PDE10A: variants seen among roughly 807,000 people sequenced by gnomAD.
PDE10A encodes the protein cAMP and cAMP-inhibited cGMP 3',5'-cyclic phosphodiesterase 10A.
PDE10A carries 39 observed loss-of-function variants against 97.7 expected under a neutral mutation model. That is an observed-to-expected ratio of 0.40 (90% CI 0.31 to 0.52). The LOEUF is 0.52. Ranked by LOEUF, PDE10A falls within the 20% of genes least tolerant of loss-of-function variation. The pLI, the probability that PDE10A is intolerant of heterozygous loss-of-function variation, is 0.56. For missense variants in PDE10A, 731 were observed against 1,047.8 expected, an observed-to-expected ratio of 0.70 and a Z score of 4.17; for synonymous variants, 371 against 376.8, an observed-to-expected ratio of 0.98 and a Z score of 0.18.
intron 1 of PDE10A, among the ~76,000 whole-genome samples, chr6:165,742,896 G>A (rs964028482): frequency 6.6e-6 from 1 of 152,214 alleles, no homozygotes; most frequent in Non-Finnish European, 1.5e-5. Context: ...GGTGAATTAA[G>A]TGATTTGTTC....
chr6:165,401,050 G>T (rs761223932), intron 13 of PDE10A, among the ~76,000 whole-genome samples: 3 of 151,982 alleles, frequency 2.0e-5, no homozygotes, highest in Non-Finnish European at 4.4e-5. Context: ...AGATGAGAAG[G>T]GTCAAAAGAA....
chr6:165,735,133 T>C (rs1185615629), intron 1 of PDE10A, among the ~76,000 whole-genome samples: 4 of 151,656 alleles, frequency 2.6e-5, no homozygotes, highest in Non-Finnish European at 5.9e-5. Flanking sequence ...GGTAGGTTGG[T>C]AGATAAATAG....
intron 2 of PDE10A, among the ~76,000 whole-genome samples, chr6:165,517,475 T>C (rs1287287175): frequency 6.6e-6 from 1 of 152,196 alleles, no homozygotes; most frequent in Non-Finnish European, 1.5e-5. Context: ...ATAGCATTAA[T>C]ATTATCCATA....
chr6:165,702,580 T>C (rs1791605920), intron 1 of PDE10A, among the ~76,000 whole-genome samples: 2 of 152,168 alleles, frequency 1.3e-5, no homozygotes, highest in South Asian at 4.1e-4. Context: ...AGTGTACAAT[T>C]AAGATCAACT....
chr6:165,565,523 C>T (rs1445625945), intron 1 of PDE10A, among the ~76,000 whole-genome samples: 2 of 152,116 alleles, frequency 1.3e-5, no homozygotes, highest in Non-Finnish European at 2.9e-5. Context: ...TAGTTCTACA[C>T]TCAGTGCAAT....
intron 6 of PDE10A, among the ~76,000 whole-genome samples, chr6:165,434,432 A>C (rs2128239635): frequency 6.6e-6 from 1 of 152,308 alleles, no homozygotes. Flanking sequence ...GTTACCTTTG[A>C]AGTCTATATT....
intron 5 of PDE10A, among the ~76,000 whole-genome samples, chr6:165,438,195 A>G (rs1442363273): frequency 2.6e-5 from 4 of 151,844 alleles, no homozygotes; most frequent in African/African-American, 9.7e-5. Flanking sequence ...TTTAATTTTT[A>G]ATTTTTTTTT....
At chr6:165,949,547 G>A (rs1322638068) in intron 1 of PDE10A, 2 of 151,856 alleles carry the variant, frequency 1.3e-5, no homozygotes, top group Admixed American at 6.6e-5. Context: ...GCAACACGTC[G>A]GATGATGACT....
At chr6:165,673,233 T>A (rs1177521513) in intron 1 of PDE10A, among the ~76,000 whole-genome samples, 3 of 152,230 alleles carry the variant, frequency 2.0e-5, no homozygotes, top group African/African-American at 7.2e-5. Flanking sequence ...GAACTAGATA[T>A]GGCACAGATT....
chr6:165,372,280 A>G (rs371619765), intron 18 of PDE10A, among the ~76,000 whole-genome samples: 1 of 150,280 alleles, frequency 6.7e-6, no homozygotes, highest in African/African-American at 2.5e-5. Flanking sequence ...AAAAGAGGAA[A>G]TCAAATTGTC....
chr6:165,942,785 G>T (rs1391511652), intron 1 of PDE10A, among the ~76,000 whole-genome samples: 1 of 152,140 alleles, frequency 6.6e-6, no homozygotes, highest in African/African-American at 2.4e-5. Context: ...GGCCCTCCAG[G>T]AGGAAAGCCC....
At chr6:165,958,470 AAGAAAGAAAGAG>A (rs575968680) in intron 1 of PDE10A, among the ~76,000 whole-genome samples, 3,616 of 144,192 alleles carry the variant, frequency 0.025, 202 homozygotes, top group South Asian at 0.053. Flanking sequence ...AAAAGAAAGA[AAGAAAGAAAGAG>A]AGAAAGAGAG....
chr6:165,785,528 C>T (rs9347088), intron 1 of PDE10A, among the ~76,000 whole-genome samples: 86,249 of 151,996 alleles, frequency 0.57, 24,630 homozygotes, highest in Middle Eastern at 0.61. Context: ...TTGTTGTTAT[C>T]GTTATGCTTT....
chr6:165,980,544 T>C (rs532822268), intron 1 of PDE10A, among the ~76,000 whole-genome samples: 1 of 152,230 alleles, frequency 6.6e-6, no homozygotes, highest in South Asian at 2.1e-4. Flanking sequence ...AGGACACAGG[T>C]AAGTGGATAA....
chr6:165,584,781 G>A (rs1452098403), intron 1 of PDE10A, among the ~76,000 whole-genome samples: 1 of 152,110 alleles, frequency 6.6e-6, no homozygotes, highest in East Asian at 1.9e-4. Context: ...CTTTCAGGCA[G>A]GACTGTTAAT....
intron 1 of PDE10A, among the ~76,000 whole-genome samples, chr6:165,568,264 G>A (rs1236841853): frequency 1.3e-5 from 2 of 152,088 alleles, no homozygotes; most frequent in African/African-American, 4.8e-5. Flanking sequence ...CTCCCAAAGT[G>A]CTGGGATTAC....
At chr6:165,408,295 GAAAGTAGA>G (rs1787378335) in intron 13 of PDE10A, among the ~76,000 whole-genome samples, 2 of 152,194 alleles carry the variant, frequency 1.3e-5, no homozygotes, top group African/African-American at 2.4e-5. Context: ...ATGTTCTCTA[GAAAGTAGA>G]ACATTCAGGA....
intron 1 of PDE10A, among the ~76,000 whole-genome samples, chr6:165,721,619 G>T (rs1474553195): frequency 6.6e-6 from 1 of 152,108 alleles, no homozygotes; most frequent in Non-Finnish European, 1.5e-5. Context: ...CAGTTCCTTT[G>T]TAGGAAAAAT....
At chr6:165,504,996 T>C (rs375585479) in intron 2 of PDE10A, among the ~76,000 whole-genome samples, 30 of 152,156 alleles carry the variant, frequency 2.0e-4, no homozygotes, top group African/African-American at 6.3e-4. Context: ...AGCCACCAGA[T>C]TGCTGTCGCC....
Sources: allele counts gnomAD v4.1 joint callset (sites outside exome capture counted in the v4.1 genomes callset), GRCh38; gene constraint gnomAD v4.1.1; transcripts MANE v1.5; gene names NCBI Gene and HGNC (gene_info 2026-07-23, HGNC 2026-07-21).